The following NOP2 variants were observed in gnomAD, a reference collection of about 807,000 sequenced individuals.
The protein encoded by NOP2 is NOP2 nucleolar protein.
In NOP2, 7 loss-of-function variants were observed where a neutral mutation model predicts 72.7. The ratio of observed to expected loss-of-function variants is 0.10; its 90% CI spans 0.05 to 0.18. NOP2 has a LOEUF of 0.18. Among genes scored for constraint, NOP2 ranks in the 10% least tolerant of loss-of-function variants. The probability of loss-of-function intolerance (pLI) is 1.00; values close to 1 mark genes in which losing one functional copy is unlikely to be tolerated. For synonymous variants in NOP2, 387 were observed against 388.0 expected, an observed-to-expected ratio of 1.00 and a Z score of 0.03; for missense variants, 954 against 1,014.7, an observed-to-expected ratio of 0.94 and a Z score of 0.81.
At chr12:6,561,162 G>A in intron 11 of NOP2, 92 bp from the exon 12 acceptor site, 2 of 1,514,454 alleles carry the variant, frequency 1.3e-6, no homozygotes, top group Non-Finnish European at 1.8e-6. Context: ...CATGAGAAGT[G>A]TCATCACCTC....
intron 5 of NOP2, chr12:6,564,231 G>C: frequency 2.1e-6 from 1 of 483,838 alleles, no homozygotes; most frequent in Non-Finnish European, 3.6e-6. Context: ...AGCCAAGACC[G>C]AGCCACTGCA....
intron 11 of NOP2, 147 bp downstream of exon 11, chr12:6,561,517 C>T: frequency 2.1e-6 from 2 of 958,796 alleles, no homozygotes; most frequent in Admixed American, 2.4e-5. Context: ...GGAACCCAGG[C>T]CGACTCCAGA....
chr12:6,561,140 T>C (rs1947638751), intron 11 of NOP2, 70 bp from the exon 12 acceptor site: 1 of 1,574,338 alleles, frequency 6.4e-7, no homozygotes, highest in Non-Finnish European at 8.6e-7. Context: ...CACCCTCCTG[T>C]CCAGGAATCC....
At position 6,560,369 on chromosome 12, in the gene NOP2, C is replaced by G. The variant is rs1412963933; in HGVS notation, c.1561-43G>C. 1 of 1,608,000 alleles carries G rather than the reference C, an allele frequency of 6.2e-7. No individual in the cohort carries two copies. The highest frequency in any genetic ancestry group is 1.3e-5 in the African/African-American group (1 of 74,704). ...ACAAAGAACGGAGGAAAAAGCAGAG[C>G]TGGAGCTGAAGGGAGCTCTAAGGGG... is the stretch of plus-strand genomic sequence containing the variant. On this transcript the variant is annotated intron_variant, in intron 14 of 15. Coordinates refer to ENST00000322166, the MANE Select transcript of NOP2 (RefSeq NM_001258308.2). The surrounding 1 kb of genome is among the most constrained non-coding windows in gnomAD (Gnocchi z 5.0).
Position 6,558,438 on chromosome 12 carries a change from G to T in NOP2, c.1790-796C>A, listed in dbSNP as rs533682212. Among the ~76,000 whole-genome samples the T allele has an allele frequency of 4.0e-5, 6 of 151,558 alleles. No individual in the cohort carries two copies. In the East Asian group the frequency reaches 1.2e-3, roughly 30 times the overall value. On this transcript the variant is annotated intron_variant, in intron 15 of 15. Transcript: ENST00000322166. ...GCGCCACCATGTCCGGCTAATTTTT[G>T]TATTTTTAGTAGAGATGAGGTTTCA...
At chr12:6,565,273 CA>C (rs2136177780) in intron 5 of NOP2, among the ~76,000 whole-genome samples, 1 of 152,084 alleles carries the variant, frequency 6.6e-6, no homozygotes, top group South Asian at 2.1e-4. Context: ...CCCGCTTCAG[CA>C]TCCTGAGAAG....
Position 6,560,614 on chromosome 12 carries a change from A to G in NOP2, c.1438-45T>C. The G allele has an allele frequency of 1.2e-6, 2 of 1,604,254 alleles. No homozygotes were observed. The highest frequency in any genetic ancestry group is 1.7e-6 in the Non-Finnish European group (2 of 1,173,046). On this transcript the variant is annotated intron_variant, in intron 13 of 15. Transcript: ENST00000322166. This position sits in a 1 kb window ranked among gnomAD's most constrained non-coding sequence, Gnocchi z 5.0. ...AAAGGCAGCCTCAGGAGGAGAGGGG[A>G]GCCCAGAGGGTGTCCCCATCTCAGT...
chr12:6,561,526 G>C, intron 11 of NOP2, 138 bp downstream of exon 11: 3 of 1,101,006 alleles, frequency 2.7e-6, no homozygotes, highest in Non-Finnish European at 3.9e-6. Context: ...GCCGACTCCA[G>C]AAACTGGTCC....
chr12:6,567,966 G>A, intron 1 of NOP2, 44 bp from the exon 2 acceptor site: 4 of 1,498,472 alleles, frequency 2.7e-6, no homozygotes, highest in Non-Finnish European at 1.9e-6. Context: ...GCGCGTGTCG[G>A]AGGGAACGGC....
intron 9 of NOP2, among the ~76,000 whole-genome samples, chr12:6,562,716 G>C (rs1171810418): frequency 6.6e-6 from 1 of 152,128 alleles, no homozygotes; most frequent in African/African-American, 2.4e-5. Context: ...TTTAACCTGG[G>C]GCCCCTGAAC....
rs745603072 is a variant in NOP2 at position 6,561,059 on chromosome 12, T to G, written c.1219A>C (p.Lys407Gln). Residue 407 changes from lysine to glutamine, a missense_variant, in exon 12 of 16, where the codon AAG becomes CAG. By Grantham distance (53) the Lys-to-Gln change is moderately conservative. Coordinates refer to ENST00000322166, the MANE Select transcript of NOP2 (RefSeq NM_001258308.2). ...TTGGCAAGGATCACACCCGTGTTCTTCATCAGCTGGGCTAAAGAGAGGGCA... is the reference window on the plus strand; with the variant it reads ...TTGGCAAGGATCACACCCGTGTTCTGCATCAGCTGGGCTAAAGAGAGGGCA... ...GKTSYMAQLMKNTGVILANDA... is the reference protein window; with the variant it reads ...GKTSYMAQLMQNTGVILANDA... The G allele has an allele frequency of 1.3e-5, 21 of 1,613,860 alleles. No homozygotes were observed. In the East Asian group the frequency reaches 4.7e-4, roughly 36 times the overall value.
intron 2 of NOP2, 58 bp downstream of exon 2, chr12:6,567,758 G>T: frequency 7.6e-7 from 1 of 1,318,708 alleles, no homozygotes. Flanking sequence ...AAGAGAAGAG[G>T]TTATAATACA....
chr12:6,557,847 G>A (rs1947535123), intron 15 of NOP2, among the ~76,000 whole-genome samples: 1 of 152,094 alleles, frequency 6.6e-6, no homozygotes, highest in Non-Finnish European at 1.5e-5. Flanking sequence ...TGTATTAAAA[G>A]ATCACTGCCT....
At chr12:6,564,126 T>C in intron 5 of NOP2, 180 bp from the exon 6 acceptor site, 2 of 1,490,184 alleles carry the variant, frequency 1.3e-6, no homozygotes, top group Non-Finnish European at 1.8e-6. Flanking sequence ...TGAAACTAAG[T>C]AATGAGGGCA....
Position 6,562,038 on chromosome 12 carries a change from G to C in NOP2, c.979-67C>G. On this transcript the variant is annotated intron_variant, in intron 9 of 15. Coordinates refer to ENST00000322166, the MANE Select transcript of NOP2 (RefSeq NM_001258308.2). ...GAGTCTCACTCTGTTGCCCAGGCTA[G>C]AGTGAGGTGGCGCAATCTCGGCTCA... 3.3e-6 allele frequency: 4 copies of C among 1,209,200 alleles called. No homozygotes were observed. In the South Asian group the frequency reaches 3.9e-5, roughly 12 times the overall value. 74.9% of individuals were successfully genotyped at this position (1,209,200 alleles called of 1,614,324 possible). A position where few individuals can be genotyped will look rare whatever the true frequency, so the allele number is the denominator to read the frequency against.
chr12:6,563,392 T>C lies in NOP2; in HGVS notation c.811A>G (p.Lys271Glu), dbSNP rs756633651. Residue 271 changes from lysine to glutamate, a missense_variant, in exon 8 of 16, where the codon AAG becomes GAG. Lys to Glu is a moderately conservative substitution (Grantham distance 56, BLOSUM62 1). Around this residue, in one of 3 missense-constraint regions of NOP2, gnomAD observed 498 missense variants for 478.3 expected, o/e 1.04. Transcript: ENST00000322166. ...GAGTAGTAAATGGCCAGATCCTTCTTGAGCCGGTTCAGGTATTCAGAACGA... is the reference window on the plus strand; with the variant it reads ...GAGTAGTAAATGGCCAGATCCTTCTCGAGCCGGTTCAGGTATTCAGAACGA... ...RSRSEYLNRLKKDLAIYYSYG... is the reference protein window; with the variant it reads ...RSRSEYLNRLEKDLAIYYSYG... 5.0e-6 allele frequency: 8 copies of C among 1,606,064 alleles called. No homozygotes were observed. Among genetic ancestry groups the C allele is most frequent in the Middle Eastern group, 3.3e-4 (2 of 6,056 alleles).
chr12:6,562,205 G>T (rs1021377814), intron 9 of NOP2, among the ~76,000 whole-genome samples: 2 of 152,108 alleles, frequency 1.3e-5, no homozygotes, highest in Non-Finnish European at 2.9e-5. Context: ...GGCCAGGCTG[G>T]TCTCTAACTC....
In NOP2 at chr12:6,563,438, A is replaced by G. The variant is rs1359810520; in HGVS notation, c.765T>C (p.Ala255=). ...AACGAGACCGCCCTTCCTCCCGCTG[A>G]GCCCCAAAATCACGCAGAATTCCCA... ...DIVGILRDFG[A]QREEGRSRSE... is the part of the protein sequence containing the mutation. Residue 255 remains alanine (A), a synonymous_variant, in exon 8 of 16, where the codon GCT becomes GCC. Transcript: ENST00000322166. The G allele has an allele frequency of 1.2e-6, 2 of 1,610,444 alleles. No individual in the cohort carries two copies. Among genetic ancestry groups the G allele is most frequent in the South Asian group, 1.1e-5 (1 of 90,258 alleles).
intron 15 of NOP2, 93 bp from the exon 16 acceptor site, chr12:6,557,735 T>G: frequency 2.2e-6 from 3 of 1,335,140 alleles, no homozygotes; most frequent in Admixed American, 5.3e-5. Context: ...TGCCATTTCC[T>G]GGGCAGGAGC....
Sources: allele counts gnomAD v4.1 joint callset (sites outside exome capture counted in the v4.1 genomes callset), GRCh38; gene constraint gnomAD v4.1.1; regional missense constraint gnomAD v4.1.1; non-coding constraint Gnocchi (gnomAD v3.1); transcripts MANE v1.5; gene names NCBI Gene and HGNC (gene_info 2026-07-23, HGNC 2026-07-21).